Variants in DMD observed in about 807,000 individuals in gnomAD.
The protein encoded by DMD is dystrophin, also known as mutant dystrophin.
DMD carries 63 observed loss-of-function variants against 330.1 expected under a neutral mutation model. That is an observed-to-expected ratio of 0.19 (90% CI 0.16 to 0.24). The LOEUF is 0.24. DMD is among the 10% of genes least tolerant of loss of function. DMD has a pLI of 1.00. For missense variants in DMD, 3,344 were observed against 2,684.1 expected (o/e 1.25, Z -5.43); for synonymous variants, 1,223 against 959.8 (o/e 1.27, Z -5.07).
At chrX:32,391,421 G>T (rs1303184672) in intron 30 of DMD, among the ~76,000 whole-genome samples, 2 of 111,017 alleles carry the variant, frequency 1.8e-5, no homozygotes, top group African/African-American at 3.3e-5. Context: ...CCAAGAACAT[G>T]GACTAAGTGG....
At chrX:32,523,503 C>T (rs1366283823) in intron 17 of DMD, among the ~76,000 whole-genome samples, 1 of 112,233 alleles carries the variant, frequency 8.9e-6, no homozygotes, top group Non-Finnish European at 1.9e-5. Context: ...AAGTGGGGTC[C>T]TACCCCATGT....
At chrX:32,057,212 C>T (rs1051029146) in intron 44 of DMD, among the ~76,000 whole-genome samples, 3 of 111,533 alleles carry the variant, frequency 2.7e-5, no homozygotes, top group Non-Finnish European at 5.7e-5. Flanking sequence ...AGAAACAAGA[C>T]AAGAATGCAC....
chrX:31,299,828 T>G (rs1476845073), intron 62 of DMD, among the ~76,000 whole-genome samples: 1 of 108,666 alleles, frequency 9.2e-6, no homozygotes, highest in Non-Finnish European at 1.9e-5. Flanking sequence ...GGTAAGCTAT[T>G]TGAATATTTC....
chrX:32,377,060 C>G (rs752524051), intron 34 of DMD, among the ~76,000 whole-genome samples: 1 of 111,467 alleles, frequency 9.0e-6, no homozygotes, highest in Non-Finnish European at 1.9e-5. Context: ...TTTAAGGTGA[C>G]TTCTGATTCT....
chrX:31,132,934 C>T (rs776897171), intron 77 of DMD, among the ~76,000 whole-genome samples: 24 of 111,397 alleles, frequency 2.2e-4, no homozygotes, highest in African/African-American at 6.2e-4. Flanking sequence ...ACTTCAGTGG[C>T]GCTCAGCAGT....
At chrX:32,474,023 T>C (rs1480861427) in intron 21 of DMD, among the ~76,000 whole-genome samples, 1 of 110,672 alleles carries the variant, frequency 9.0e-6, no homozygotes, top group Non-Finnish European at 1.9e-5. Context: ...TATATCATTC[T>C]AATGCCTGTG....
chrX:32,212,688 CT>C (rs1352159536), intron 44 of DMD, among the ~76,000 whole-genome samples: 1 of 111,610 alleles, frequency 9.0e-6, no homozygotes, highest in African/African-American at 3.3e-5. Flanking sequence ...TCAATTACTG[CT>C]TGTTTAGTGA....
chrX:32,926,752 CAAAAA>C (rs745877756), intron 2 of DMD, among the ~76,000 whole-genome samples: 2 of 41,556 alleles, frequency 4.8e-5, no homozygotes, highest in Non-Finnish European at 4.7e-5. Context: ...ACTCCATCTC[CAAAAA>C]AAAAAAAAAA....
intron 43 of DMD, among the ~76,000 whole-genome samples, chrX:32,280,484 T>C (rs1045994484): frequency 9.0e-6 from 1 of 111,054 alleles, no homozygotes; most frequent in Non-Finnish European, 1.9e-5. Flanking sequence ...TACCTATACC[T>C]GGGTTGTGGA....
chrX:33,160,173 G>C (rs989878263), intron 1 of DMD, among the ~76,000 whole-genome samples: 1 of 112,119 alleles, frequency 8.9e-6, no homozygotes, highest in South Asian at 3.7e-4. Flanking sequence ...CATGATTAAG[G>C]TAGGCTAGTC....
At position 32,792,521 on chromosome X, in the gene DMD, T is replaced by G. The variant is rs575001486; in HGVS notation, c.649+16972A>C. 5.7e-4 allele frequency among the ~76,000 whole-genome samples: 64 copies of G among 112,127 alleles called. No homozygotes were observed. In the South Asian group the frequency reaches 0.022, roughly 39 times the overall value. The stretch of plus-strand genomic sequence containing the variant: ...AACATTCCACATAAAAGACATAAAC[T>G]GGCTGAATGGATTAAAAAATATATA... On this transcript the variant is annotated intron_variant, in intron 7 of 78. Coordinates refer to ENST00000357033, the MANE Select transcript of DMD (RefSeq NM_004006.3).
At chrX:31,316,589 A>C (rs540157501) in intron 62 of DMD, among the ~76,000 whole-genome samples, 40 of 111,898 alleles carry the variant, frequency 3.6e-4, no homozygotes, top group South Asian at 7.7e-4. Context: ...AGCACTCTGC[A>C]CAACACTATG....
upstream of DMD, among the ~76,000 whole-genome samples, chrX:33,216,483 T>C (rs745482166): frequency 1.8e-5 from 2 of 111,012 alleles, no homozygotes; most frequent in African/African-American, 3.3e-5. Flanking sequence ...GCTGAAAAAC[T>C]ACCTACTGGG....
chrX:32,225,413 C>G (rs958361804), intron 43 of DMD, among the ~76,000 whole-genome samples: 1 of 111,712 alleles, frequency 9.0e-6, no homozygotes, highest in Non-Finnish European at 1.9e-5. Flanking sequence ...AATTTCAGCC[C>G]TTATCTGAGG....
chrX:32,371,735 G>T (rs1171620954), intron 34 of DMD, among the ~76,000 whole-genome samples: 1 of 110,812 alleles, frequency 9.0e-6, no homozygotes, highest in Non-Finnish European at 1.9e-5. Flanking sequence ...GGCCAGTAAT[G>T]GGATGTTCAG....
At chrX:31,819,044 AC>A (rs2092698146) in intron 50 of DMD, among the ~76,000 whole-genome samples, 2 of 110,312 alleles carry the variant, frequency 1.8e-5, no homozygotes, top group South Asian at 3.9e-4. Context: ...AAAAAAAAAA[AC>A]AAAAACAAAA....
chrX:33,089,979 T>G (rs1398585790), intron 1 of DMD, among the ~76,000 whole-genome samples: 1 of 111,880 alleles, frequency 8.9e-6, no homozygotes, highest in African/African-American at 3.2e-5. Context: ...CATATTTAAG[T>G]ATGTATCTAT....
At chrX:32,474,196 T>TACACAC (rs1405187750) in intron 21 of DMD, among the ~76,000 whole-genome samples, 10 of 39,785 alleles carry the variant, frequency 2.5e-4, no homozygotes, top group Admixed American at 2.1e-3. Flanking sequence ...CCATCATATA[T>TACACAC]ACATACATAC....
chrX:31,630,150 G>T (rs1335383354), intron 54 of DMD, among the ~76,000 whole-genome samples: 1 of 111,538 alleles, frequency 9.0e-6, no homozygotes, highest in African/African-American at 3.3e-5. Context: ...TTTGCAAAAT[G>T]CAATGCACAT....
Sources: allele counts gnomAD v4.1 joint callset (sites outside exome capture counted in the v4.1 genomes callset), GRCh38; gene constraint gnomAD v4.1.1; transcripts MANE v1.5; gene names NCBI Gene and HGNC (gene_info 2026-07-23, HGNC 2026-07-21).